The following NOMO3 variants were observed in gnomAD, a reference collection of about 807,000 sequenced individuals.
NOMO3 encodes NODAL modulator 3, also known as BOS complex subunit NOMO3.
NOMO3 carries 15 observed loss-of-function variants against 69.9 expected under a neutral mutation model. The ratio of observed to expected loss-of-function variants is 0.21; its 90% CI spans 0.14 to 0.33. The LOEUF (loss-of-function observed/expected upper bound fraction) is 0.33, where lower values mean the gene tolerates loss of function less well. Ranked by LOEUF, NOMO3 falls within the 10% of genes least tolerant of loss-of-function variation. The pLI is 1.00. For missense variants in NOMO3, 218 were observed against 761.0 expected (o/e 0.29, Z 8.39); for synonymous variants, 89 against 301.9 (o/e 0.29, Z 7.31).
At chr16:16,252,820 T>G (rs1596806199) in intron 9 of NOMO3, among the ~76,000 whole-genome samples, 1 of 98,912 alleles carries the variant, frequency 1.0e-5, no homozygotes, top group South Asian at 3.4e-4. Flanking sequence ...CTTGTCCCTG[T>G]GGACCTCATT....
chr16:16,246,461 T>C (rs1200699941), intron 5 of NOMO3, among the ~76,000 whole-genome samples: 1 of 134,690 alleles, frequency 7.4e-6, no homozygotes, highest in Admixed American at 7.1e-5. Flanking sequence ...AATAGTGTCT[T>C]GAGCCTTCTG....
At position 16,253,256 on chromosome 16, in the gene NOMO3, C is replaced by G. The variant is rs1022331255; in HGVS notation, c.963+734C>G. Among the ~76,000 whole-genome samples the G allele has an allele frequency of 7.8e-5, 11 of 140,470 alleles. 2 individuals carry two copies. The highest frequency in any genetic ancestry group is 1.8e-4 in the African/African-American group (6 of 32,686). The allele number at this position is 140,470 out of a possible 152,430, so 92.2% of individuals were successfully genotyped here. A position where few individuals can be genotyped will look rare whatever the true frequency, so the allele number is the denominator to read the frequency against. ...AGGAAGAAAGGAGGTAGTACAGTAT[C>G]AGGGTGGAGACAGGGGTTGCAGTTG... is the stretch of plus-strand genomic sequence containing the variant. On this transcript the variant is annotated intron_variant, in intron 9 of 30. Transcript: ENST00000399336.
At chr16:16,245,458 A>G (rs1401045568) in intron 5 of NOMO3, among the ~76,000 whole-genome samples, 3 of 144,344 alleles carry the variant, frequency 2.1e-5, no homozygotes, top group Non-Finnish European at 1.5e-5. Flanking sequence ...GGAGGCCAGT[A>G]TGGGAGGATC....
chr16:16,263,496 C>T lies in NOMO3; in HGVS notation c.1538-17C>T, dbSNP rs984343963. 9.0e-6 allele frequency: 10 copies of T among 1,115,162 alleles called. 2 individuals are homozygous for T. In the Admixed American group the frequency reaches 2.8e-4, roughly 31 times the overall value. 69.1% of individuals were successfully genotyped at this position (1,115,162 alleles called of 1,614,324 possible). On this transcript the variant is annotated splice_polypyrimidine_tract_variant and intron_variant, in intron 13 of 30. Coordinates refer to ENST00000399336, the MANE Select transcript of NOMO3 (RefSeq NM_001004067.4). ...TTATAAGGGGTCACATGGAGCCCTC[C>T]CTTCTTTTCCCTGCAGACACCTGTG...
intron 11 of NOMO3, among the ~76,000 whole-genome samples, chr16:16,260,480 C>A (rs2049554356): frequency 7.0e-6 from 1 of 142,392 alleles, no homozygotes; most frequent in South Asian, 2.2e-4. Flanking sequence ...TCCCTTCACT[C>A]TGAAGAAATG....
rs59243746 is a variant in NOMO3, at chr16:16,265,670, A to ATT, written c.1806+518_1806+519dup. On this transcript the variant is annotated intron_variant, in intron 15 of 30. Transcript: ENST00000399336. ...TATATATATATATATATATATATAT[A>ATT]TTTTTTTTTTTTTTTTTTTTTTTTT... Among the ~76,000 whole-genome samples, 35 of 16,688 alleles carry ATT rather than the reference A, an allele frequency of 2.1e-3. 2 individuals are homozygous for ATT. The highest frequency in any genetic ancestry group is 4.6e-3 in the African/African-American group (15 of 3,256). The allele number at this position is 16,688 out of a possible 152,430, so 10.9% of individuals were successfully genotyped here.
chr16:16,262,957 C>A (rs1567565166), intron 12 of NOMO3, 117 bp from the exon 13 acceptor site: 14 of 1,500,238 alleles, frequency 9.3e-6, no homozygotes, highest in Non-Finnish European at 1.2e-5. Context: ...TGGAAACGAA[C>A]CTTTGGCCTT....
At chr16:16,265,016 A>G (rs2049597833) in intron 14 of NOMO3, 27 bp from the exon 15 acceptor site, 3 of 1,480,020 alleles carry the variant, frequency 2.0e-6, no homozygotes, top group Non-Finnish European at 2.7e-6. Context: ...ACGCCCATGT[A>G]TCCGTTTTTG....
At chr16:16,249,816 A>G (rs553257563) in intron 6 of NOMO3, among the ~76,000 whole-genome samples, 2 of 143,020 alleles carry the variant, frequency 1.4e-5, no homozygotes, top group African/African-American at 5.8e-5. Flanking sequence ...TGCTGGTGCT[A>G]TTCTGTTGGG....
chr16:16,267,586 C>T (rs2049629990), intron 16 of NOMO3, among the ~76,000 whole-genome samples: 1 of 140,590 alleles, frequency 7.1e-6, no homozygotes, highest in African/African-American at 3.0e-5. Context: ...AGGTGCCCAC[C>T]ACCACATCCG....
At chr16:16,249,186 C>T (rs1240742049) in intron 6 of NOMO3, among the ~76,000 whole-genome samples, 2 of 145,148 alleles carry the variant, frequency 1.4e-5, no homozygotes, top group East Asian at 2.2e-4. Context: ...GTAGGTTTTA[C>T]GCACTTATAA....
intron 9 of NOMO3, 138 bp from the exon 10 acceptor site, chr16:16,255,582 C>T: frequency 1.6e-6 from 1 of 634,764 alleles, no homozygotes; most frequent in East Asian, 3.3e-5. Flanking sequence ...CCGGCTGGCA[C>T]ACAGGACCGG....
rs774223885 is a variant in NOMO3 at position 16,258,851 on chromosome 16, T to TG, written c.1221-2650dup. Among the ~76,000 whole-genome samples, 138 of 137,684 alleles carry TG rather than the reference T, an allele frequency of 1.0e-3. 5 individuals are homozygous for TG. The highest frequency in any genetic ancestry group is 1.6e-3 in the Non-Finnish European group (106 of 66,522). 90.3% of individuals were successfully genotyped at this position (137,684 alleles called of 152,430 possible). On this transcript the variant is annotated intron_variant, in intron 11 of 30. Transcript: ENST00000399336. ...TTGCACTCCAGCCTGGGCGACAGGG[T>TG]GAGATTCCGTCTCAAAAAAAAAAAA... is the stretch of plus-strand genomic sequence containing the variant.
At position 16,267,094 on chromosome 16, in the gene NOMO3, C is replaced by T; in HGVS notation, c.1857C>T (p.Leu619=). The T allele has an allele frequency of 9.0e-7, 1 of 1,110,950 alleles. No homozygotes were observed. The highest frequency in any genetic ancestry group is 2.7e-5 in the East Asian group (1 of 37,192). The allele number at this position is 1,110,950 out of a possible 1,614,324, so 68.8% of individuals were successfully genotyped here. A position where few individuals can be genotyped will look rare whatever the true frequency, so the allele number is the denominator to read the frequency against. ...NGRENVGIYN[L]SKGVNRFCLS... The stretch of plus-strand genomic sequence containing the variant: ...GTGAGAATGTGGGGATTTATAACCT[C>T]TCCAAAGGAGTCAACCGATTCTGCC... Residue 619 remains leucine, a synonymous_variant, in exon 16 of 31, where the codon CTC becomes CTT. Coordinates refer to ENST00000399336, the MANE Select transcript of NOMO3 (RefSeq NM_001004067.4).
In NOMO3 at chr16:16,245,359, ACC is replaced by A. The variant is rs2049408788; in HGVS notation, c.509+187_509+188del. 4.9e-5 allele frequency among the ~76,000 whole-genome samples: 7 copies of A among 143,422 alleles called. 1 individual carries two copies. The South Asian group carries it at 1.5e-3, about 32-fold the overall frequency. The allele number at this position is 143,422 out of a possible 152,430, so 94.1% of individuals were successfully genotyped here. ...CCACATGTGAAATGGAATCCATTTG[ACC>A]CATCTTGCCTAGCATTGATGAGATG... On this transcript the variant is annotated intron_variant, in intron 5 of 30. Transcript: ENST00000399336.
chr16:16,248,118 G>A (rs566558975), intron 6 of NOMO3, among the ~76,000 whole-genome samples: 3,687 of 54,614 alleles, frequency 0.068, 213 homozygotes, highest in Non-Finnish European at 0.073. Flanking sequence ...ACGGAGTCTC[G>A]CTCTGTTGCC....
At chr16:16,270,033 A>G in intron 16 of NOMO3, 88 bp from the exon 17 acceptor site, 3 of 1,571,686 alleles carry the variant, frequency 1.9e-6, no homozygotes, top group Admixed American at 3.5e-5. Context: ...TTCACATGCA[A>G]AGAGCTGCCA....
At chr16:16,267,542 C>T (rs2049629686) in intron 16 of NOMO3, among the ~76,000 whole-genome samples, 1 of 142,844 alleles carries the variant, frequency 7.0e-6, no homozygotes, top group Non-Finnish European at 1.5e-5. Flanking sequence ...TCAGGCGATT[C>T]CCCTGCCTCA....
intron 11 of NOMO3, among the ~76,000 whole-genome samples, chr16:16,257,607 A>G (rs2049521484): frequency 7.1e-6 from 1 of 141,284 alleles, no homozygotes. Context: ...GAATTAGAAG[A>G]ACAGTAGGCC....
Sources: allele counts gnomAD v4.1 joint callset (sites outside exome capture counted in the v4.1 genomes callset), GRCh38; gene constraint gnomAD v4.1.1; transcripts MANE v1.5; gene names NCBI Gene and HGNC (gene_info 2026-07-23, HGNC 2026-07-21).